Variants in TSGA13 observed in about 807,000 individuals in gnomAD.
The protein encoded by TSGA13 is testis-specific gene 13 protein.
In TSGA13, 37 loss-of-function variants were observed where a neutral mutation model predicts 35.1. The observed-to-expected ratio is 1.05, with a 90% CI of 0.81 to 1.39. The LOEUF (loss-of-function observed/expected upper bound fraction) is 1.39, where lower values mean the gene tolerates loss of function less well. Among genes scored for constraint, TSGA13 ranks in the 40% most tolerant of loss-of-function variants. The pLI is 0.00. For missense variants in TSGA13, 338 were observed against 328.5 expected (o/e 1.03, Z -0.22); for synonymous variants, 124 against 121.2 (o/e 1.02, Z -0.15).
At chr7:130,680,838 C>T in intron 4 of TSGA13, 108 bp downstream of exon 4, 2 of 1,015,542 alleles carry the variant, frequency 2.0e-6, no homozygotes, top group Non-Finnish European at 3.0e-6. Context: ...TACGCACAGT[C>T]ACAGAAGCTG....
chr7:130,683,636 G>A lies in TSGA13; in HGVS notation c.60C>T (p.Ser20=). 1.2e-6 allele frequency: 2 copies of A among 1,613,842 alleles called. No individual in the cohort carries two copies. Among genetic ancestry groups the A allele is most frequent in the African/African-American group, 1.3e-5 (1 of 75,044 alleles). ...CCATTCCTTTCTCACGTTTAGCTGA[G>A]CTATTTTCTGAAGTCTTTGATTTGC... ...QNGKSKTSEN[S]SAKREKGMVV... is the part of the protein sequence containing the mutation. The change falls in exon 3 of 8, where the codon AGC becomes AGT. Residue 20 remains serine, a synonymous_variant. Coordinates refer to ENST00000356588, the MANE Select transcript of TSGA13 (RefSeq NM_052933.4).
chr7:130,685,282 C>A lies in TSGA13; in HGVS notation c.-72G>T. ...GGCCAAATTCAGGTCTCTAAATAGTCCACGTTCTGCAGGGGTTCAATTCAA... is the reference window on the plus strand; with the variant it reads ...GGCCAAATTCAGGTCTCTAAATAGTACACGTTCTGCAGGGGTTCAATTCAA... On this transcript the variant is annotated 5_prime_UTR_variant, in exon 2 of 8. Coordinates refer to ENST00000356588, the MANE Select transcript of TSGA13 (RefSeq NM_052933.4). 6.2e-7 allele frequency: 1 copy of A among 1,601,830 alleles called. No homozygotes were observed. Among genetic ancestry groups the A allele is most frequent in the Admixed American group, 1.7e-5 (1 of 59,870 alleles).
At chr7:130,682,406 T>C (rs1796569354) in intron 3 of TSGA13, among the ~76,000 whole-genome samples, 1 of 151,640 alleles carries the variant, frequency 6.6e-6, no homozygotes, top group Non-Finnish European at 1.5e-5. Context: ...AGGCGTGAGC[T>C]ACCATGCCTG....
rs1165378943 is a variant in TSGA13 at position 130,668,717 on chromosome 7, C to T, written c.*297G>A. On this transcript the variant is annotated 3_prime_UTR_variant, in exon 8 of 8. Coordinates refer to ENST00000356588, the MANE Select transcript of TSGA13 (RefSeq NM_052933.4). ...GACCCACCGCAACCGTCCCAGGCGC[C>T]GCAGCCGGCGAGCGGAAGAGGCTGC... The T allele has an allele frequency of 2.0e-6, 3 of 1,506,024 alleles. No individual in the cohort carries two copies. The highest frequency in any genetic ancestry group is 1.8e-6 in the Non-Finnish European group (2 of 1,126,606). 93.3% of individuals were successfully genotyped at this position (1,506,024 alleles called of 1,614,324 possible).
intron 2 of TSGA13, among the ~76,000 whole-genome samples, chr7:130,684,646 T>A (rs1422869228): frequency 6.6e-6 from 1 of 152,164 alleles, no homozygotes; most frequent in Non-Finnish European, 1.5e-5. Flanking sequence ...CCCAAATCCA[T>A]GATTCTATCC....
At chr7:130,673,956 G>A (rs527263381) in intron 5 of TSGA13, among the ~76,000 whole-genome samples, 154 of 151,718 alleles carry the variant, frequency 1.0e-3, no homozygotes, top group African/African-American at 3.2e-3. Flanking sequence ...TTAGCTGGGC[G>A]TGGTGGCGCG....
At chr7:130,674,272 T>C (rs538491366) in intron 5 of TSGA13, among the ~76,000 whole-genome samples, 194 of 146,666 alleles carry the variant, frequency 1.3e-3, no homozygotes, top group African/African-American at 4.5e-3. Flanking sequence ...TCCTGGGCTC[T>C]AGTGGGTCTC....
chr7:130,680,362 C>T (rs1412115172), intron 4 of TSGA13, among the ~76,000 whole-genome samples: 1 of 152,010 alleles, frequency 6.6e-6, no homozygotes, highest in Admixed American at 6.6e-5. Flanking sequence ...AAAAATTAGC[C>T]AGGCGTAGTG....
Position 130,679,307 on chromosome 7 carries a change from T to A in TSGA13, c.235A>T (p.Lys79Ter). The A allele has an allele frequency of 6.2e-7, 1 of 1,614,200 alleles. No homozygotes were observed. The highest frequency in any genetic ancestry group is 8.5e-7 in the Non-Finnish European group (1 of 1,180,022). Residue 79 changes from lysine (K) to a stop codon, truncating the protein, a stop_gained, in exon 5 of 8, where the codon AAA becomes TAA. Coordinates refer to ENST00000356588, the MANE Select transcript of TSGA13 (RefSeq NM_052933.4). LOFTEE classifies it high-confidence loss of function. ...ACTTTTAACATGAAGCTGGTGTTTT[T>A]CCTGTTTTGAGCCAGGAATTTCTGC... ...ALQKFLAQNRKNTSFMLKVTQ... is the reference protein window; with the variant it reads ...ALQKFLAQNR
intron 7 of TSGA13, among the ~76,000 whole-genome samples, chr7:130,671,367 C>T (rs1381154109): frequency 6.6e-6 from 1 of 151,946 alleles, no homozygotes; most frequent in East Asian, 1.9e-4. Flanking sequence ...TTAAAAAATG[C>T]TAAGTAAATT....
chr7:130,678,719 A>C (rs1554464490), intron 5 of TSGA13, among the ~76,000 whole-genome samples: 1 of 152,122 alleles, frequency 6.6e-6, no homozygotes, highest in Non-Finnish European at 1.5e-5. Context: ...GCATAGGATC[A>C]GGAATAAGAA....
chr7:130,668,745 G>A lies in TSGA13; in HGVS notation c.*269C>T. 6.8e-7 allele frequency: 1 copy of A among 1,470,462 alleles called. No homozygotes were observed. Among genetic ancestry groups the A allele is most frequent in the African/African-American group, 1.5e-5 (1 of 68,062 alleles). The allele number at this position is 1,470,462 out of a possible 1,614,324, so 91.1% of individuals were successfully genotyped here. On this transcript the variant is annotated 3_prime_UTR_variant, in exon 8 of 8. Coordinates refer to ENST00000356588, the MANE Select transcript of TSGA13 (RefSeq NM_052933.4). Reference sequence around the variant, plus strand: ...AGCCGGCGAGCGGAAGAGGCTGCAGGAAGGCCGGCCCCGCGCTCTCACGCC... The same window carrying A: ...AGCCGGCGAGCGGAAGAGGCTGCAGAAAGGCCGGCCCCGCGCTCTCACGCC...
intron 5 of TSGA13, 41 bp downstream of exon 5, chr7:130,679,114 G>A (rs375664240): frequency 4.2e-5 from 63 of 1,490,242 alleles, no homozygotes; most frequent in East Asian, 1.1e-4. Flanking sequence ...CTCCTAATTC[G>A]TCAGGGTTCA....
rs542400808 is a variant in TSGA13 at position 130,668,861 on chromosome 7, T to C, written c.*153A>G. The C allele has an allele frequency of 2.6e-4, 358 of 1,363,056 alleles. No homozygotes were observed. In the East Asian group the frequency reaches 4.1e-3, roughly 16 times the overall value. 84.4% of individuals were successfully genotyped at this position (1,363,056 alleles called of 1,614,324 possible). A position where few individuals can be genotyped will look rare whatever the true frequency, so the allele number is the denominator to read the frequency against. On this transcript the variant is annotated 3_prime_UTR_variant, in exon 8 of 8. Coordinates refer to ENST00000356588, the MANE Select transcript of TSGA13 (RefSeq NM_052933.4). ...GACGCAGCCACGCCCCCTTCTCCTC[T>C]TGCGGCCCGCCGGAGACTTCGGCTC...
At chr7:130,671,306 A>G (rs1554462928) in intron 7 of TSGA13, among the ~76,000 whole-genome samples, 1 of 152,228 alleles carries the variant, frequency 6.6e-6, no homozygotes, top group Non-Finnish European at 1.5e-5. Context: ...CATCAAAACC[A>G]TGATATCAAT....
Position 130,672,893 on chromosome 7 carries a change from G to A in TSGA13, c.388-17C>T, listed in dbSNP as rs782657965. 124 of 1,610,498 alleles carry A rather than the reference G, an allele frequency of 7.7e-5. No homozygotes were observed. The highest frequency in any genetic ancestry group is 1.1e-4 in the Non-Finnish European group (124 of 1,178,180). On this transcript the variant is annotated splice_polypyrimidine_tract_variant and intron_variant, in intron 5 of 7. Transcript: ENST00000356588. ...ATGACTTTCCTGTAGGGAAACGAGGGAAGAAGAGTGAGGGAGTAAGCTGAG... is the reference window on the plus strand; with the variant it reads ...ATGACTTTCCTGTAGGGAAACGAGGAAAGAAGAGTGAGGGAGTAAGCTGAG...
At position 130,686,421 on chromosome 7, in the gene TSGA13, T is replaced by A. The variant is rs1796660072; in HGVS notation, c.-310A>T. 1 of 152,100 alleles carries A rather than the reference T, an allele frequency of 6.6e-6. No individual in the cohort carries two copies. Among genetic ancestry groups the A allele is most frequent in the South Asian group, 2.1e-4 (1 of 4,828 alleles). 9.4% of individuals were successfully genotyped at this position (152,100 alleles called of 1,614,324 possible). ...ACTAAAACTACATTCAAAATAAGAA[T>A]GTAAAAACCTGGTGTACACTACCTT... On this transcript the variant is annotated 5_prime_UTR_variant, in exon 1 of 8. Coordinates refer to ENST00000356588, the MANE Select transcript of TSGA13 (RefSeq NM_052933.4).
rs782064897 is a variant in TSGA13 at position 130,672,724 on chromosome 7, A to C, written c.530+10T>G. On this transcript the variant is annotated intron_variant, in intron 6 of 7. Transcript: ENST00000356588. ...AAAGAAAGCAAGTACAAGAAGAAGC[A>C]AGATTTCACCTAAACCATTGTTCTC... 5.6e-6 allele frequency: 9 copies of C among 1,610,026 alleles called. No homozygotes were observed. Among genetic ancestry groups the C allele is most frequent in the Non-Finnish European group, 7.6e-6 (9 of 1,178,236 alleles).
intron 7 of TSGA13, among the ~76,000 whole-genome samples, chr7:130,671,007 C>A (rs781942666): frequency 9.2e-5 from 14 of 152,074 alleles, no homozygotes; most frequent in Non-Finnish European, 1.9e-4. Context: ...TTAGTAGGAA[C>A]CCTTGAAATA....
Sources: gnomAD v4.1 joint callset for allele counts (sites outside exome capture counted in the v4.1 genomes callset) on GRCh38, gnomAD v4.1.1 for gene constraint, MANE v1.5 for transcripts, NCBI Gene and HGNC (gene_info 2026-07-23, HGNC 2026-07-21) for gene names.